Variants in LRRC8A observed in about 807,000 individuals in gnomAD.
LRRC8A encodes volume-regulated anion channel subunit LRRC8A.
A neutral mutation model predicts 52.5 loss-of-function variants in LRRC8A; 24 were observed. The observed-to-expected ratio is 0.46, with a 90% CI of 0.33 to 0.64. The LOEUF is 0.64. Ranked by LOEUF, LRRC8A falls within the 30% of genes least tolerant of loss-of-function variation. LRRC8A has a pLI of 0.02. For synonymous variants in LRRC8A, 492 were observed against 494.2 expected (o/e 1.00, Z 0.06); for missense variants, 677 against 1,094.7 (o/e 0.62, Z 5.38).
At chr9:128,915,390 G>A (rs1325609924) in intron 3 of LRRC8A, among the ~76,000 whole-genome samples, 3 of 152,166 alleles carry the variant, frequency 2.0e-5, no homozygotes, top group Admixed American at 6.5e-5. Context: ...GCAGTGGCGC[G>A]ATGTCGGCTC....
intron 2 of LRRC8A, among the ~76,000 whole-genome samples, chr9:128,890,181 G>A (rs1164872235): frequency 2.0e-5 from 2 of 102,374 alleles, no homozygotes; most frequent in South Asian, 3.2e-4. Flanking sequence ...CTGGGAAGGC[G>A]AGGGGCTTAA....
In LRRC8A at chr9:128,898,039, AGTGTGTGTGTGTGTGTGTGTGT is replaced by A. The variant is rs58876901; in HGVS notation, c.-8-9091_-8-9070del. ...TCTAACCTCACTTCTAAGATTGTTC[AGTGTGTGTGTGTGTGTGTGTGT>A]GTGTGTGTGTGTGTGTGTGTGTGTG... On this transcript the variant is annotated intron_variant, in intron 2 of 3. Coordinates refer to ENST00000372600, the MANE Select transcript of LRRC8A (RefSeq NM_019594.4). Among the ~76,000 whole-genome samples the A allele has an allele frequency of 5.6e-3, 765 of 136,490 alleles. 9 individuals are homozygous for A. Among genetic ancestry groups the A allele is most frequent in the East Asian group, 0.04 (183 of 4,632 alleles). The allele number at this position is 136,490 out of a possible 152,430, so 89.5% of individuals were successfully genotyped here.
At chr9:128,903,616 T>C (rs1840117485) in intron 2 of LRRC8A, among the ~76,000 whole-genome samples, 1 of 151,862 alleles carries the variant, frequency 6.6e-6, no homozygotes, top group South Asian at 2.1e-4. Flanking sequence ...AGTTTCACCT[T>C]GTTAGCCAGG....
chr9:128,915,669 G>T (rs183277292), intron 3 of LRRC8A, among the ~76,000 whole-genome samples: 14 of 152,314 alleles, frequency 9.2e-5, no homozygotes, highest in African/African-American at 2.9e-4. Flanking sequence ...TTCATAAATT[G>T]TTGTTAAGCT....
rs750473585 is a variant in LRRC8A, at chr9:128,907,010, G to T, written c.-8-147G>T. The stretch of plus-strand genomic sequence containing the variant: ...GAAGGGCTGATAAGTGGGCTGCCCC[G>T]TGGAGTAGGCAGGCTTTGGCTCCCA... On this transcript the variant is annotated intron_variant, in intron 2 of 3. Transcript: ENST00000372600. The surrounding 1 kb of genome is among the most constrained non-coding windows in gnomAD (Gnocchi z 9.3). 1.6e-5 allele frequency: 12 copies of T among 738,714 alleles called. No individual in the cohort carries two copies. The Admixed American group carries it at 1.7e-4, about 11-fold the overall frequency. 45.8% of individuals were successfully genotyped at this position (738,714 alleles called of 1,614,324 possible). A position where few individuals can be genotyped will look rare whatever the true frequency, so the allele number is the denominator to read the frequency against.
At chr9:128,889,536 C>T (rs1379994580) in intron 2 of LRRC8A, among the ~76,000 whole-genome samples, 2 of 151,538 alleles carry the variant, frequency 1.3e-5, no homozygotes, top group East Asian at 3.9e-4. Context: ...TGCTCTGTCA[C>T]CCAGGCTGGA....
chr9:128,907,069 GA>G lies in LRRC8A; in HGVS notation c.-8-86del. ...TGAGGTGGAATTTTGGACAATGGAA[GA>G]ATTTTCATTGTCTTCTTCCCCTGAC... is the stretch of plus-strand genomic sequence containing the variant. On this transcript the variant is annotated intron_variant, in intron 2 of 3. Coordinates refer to ENST00000372600, the MANE Select transcript of LRRC8A (RefSeq NM_019594.4). The surrounding 1 kb of genome is among the most constrained non-coding windows in gnomAD (Gnocchi z 9.3). 8.8e-7 allele frequency: 1 copy of G among 1,135,960 alleles called. No homozygotes were observed. The highest frequency in any genetic ancestry group is 1.5e-5 in the African/African-American group (1 of 64,718). The allele number at this position is 1,135,960 out of a possible 1,614,324, so 70.4% of individuals were successfully genotyped here.
intron 2 of LRRC8A, among the ~76,000 whole-genome samples, chr9:128,906,691 C>T (rs1840265798): frequency 6.6e-6 from 1 of 152,182 alleles, no homozygotes; most frequent in Non-Finnish European, 1.5e-5. Context: ...TTTCTTTCCT[C>T]ATATTTTGCG....
At position 128,909,232 on chromosome 9, in the gene LRRC8A, C is replaced by G; in HGVS notation, c.2068C>G (p.Leu690Val). 6.2e-7 allele frequency: 1 copy of G among 1,614,164 alleles called. No individual in the cohort carries two copies. The highest frequency in any genetic ancestry group is 8.5e-7 in the Non-Finnish European group (1 of 1,180,048). Residue 690 changes from leucine to valine, a missense_variant, in exon 3 of 4, where the codon CTG becomes GTG. By Grantham distance (32) the Leu-to-Val change is conservative. Around this residue, in one of 4 missense-constraint regions of LRRC8A, gnomAD observed 169 missense variants for 217.6 expected, o/e 0.78. Transcript: ENST00000372600. Reference sequence around the variant, plus strand: ...CTTCTACTGCCGCAAGCTGCGCTACCTGGACCTCAGCCACAACAACCTGAC... The same window carrying G: ...CTTCTACTGCCGCAAGCTGCGCTACGTGGACCTCAGCCACAACAACCTGAC... ...QLFYCRKLRY[L>V]DLSHNNLTFL... is the part of the protein sequence containing the mutation.
chr9:128,913,390 A>C (rs1217338296), intron 3 of LRRC8A, among the ~76,000 whole-genome samples: 4 of 152,132 alleles, frequency 2.6e-5, no homozygotes, highest in Non-Finnish European at 5.9e-5. Flanking sequence ...GACCCACTGA[A>C]GTCTCTGGGG....
In LRRC8A at chr9:128,916,075, C is replaced by T. The variant is rs1334419800; in HGVS notation, c.2158-21C>T. The T allele has an allele frequency of 2.5e-6, 4 of 1,585,912 alleles. No homozygotes were observed. The highest frequency in any genetic ancestry group is 3.4e-6 in the Non-Finnish European group (4 of 1,162,026). On this transcript the variant is annotated intron_variant, in intron 3 of 3. Coordinates refer to ENST00000372600, the MANE Select transcript of LRRC8A (RefSeq NM_019594.4). The surrounding 1 kb of genome is among the most constrained non-coding windows in gnomAD (Gnocchi z 6.1). ...CAAGCCCACACCCACCTCACTCTCA[C>T]CCCTGCTTTTTTCCCTCCAGATCGA... is the stretch of plus-strand genomic sequence containing the variant.
At chr9:128,884,766 G>A (rs909089381) in intron 1 of LRRC8A, among the ~76,000 whole-genome samples, 1 of 152,130 alleles carries the variant, frequency 6.6e-6, no homozygotes. Flanking sequence ...GACAAGGAGG[G>A]TAGAGTGAGG....
At chr9:128,887,137 A>G (rs1839429208) in intron 2 of LRRC8A, among the ~76,000 whole-genome samples, 1 of 151,674 alleles carries the variant, frequency 6.6e-6, no homozygotes, top group Admixed American at 6.6e-5. Flanking sequence ...ACATAGTTGT[A>G]TATTCATTAT....
In LRRC8A at chr9:128,882,192, G is replaced by C. The variant is rs1200185131; in HGVS notation, c.-174G>C. The C allele has an allele frequency of 1.3e-5, 2 of 153,048 alleles. No homozygotes were observed. The highest frequency in any genetic ancestry group is 2.4e-5 in the African/African-American group (1 of 41,432). The allele number at this position is 153,048 out of a possible 1,614,324, so 9.5% of individuals were successfully genotyped here. A position where few individuals can be genotyped will look rare whatever the true frequency, so the allele number is the denominator to read the frequency against. ...CCGGAGCAGCGCTGCGGCCGGCGGC[G>C]GGACGGAGCGGCCGGGGCCTGGGGC... On this transcript the variant is annotated 5_prime_UTR_variant, in exon 1 of 4. Coordinates refer to ENST00000372600, the MANE Select transcript of LRRC8A (RefSeq NM_019594.4).
chr9:128,916,488 A>T lies in LRRC8A; in HGVS notation c.*117A>T. ...AGCCAGGACAGCCTCGTGGCTGGGC[A>T]GGAGCCTGGGGCCGCTTGTGAGTCA... is the stretch of plus-strand genomic sequence containing the variant. On this transcript the variant is annotated 3_prime_UTR_variant, in exon 4 of 4. Coordinates refer to ENST00000372600, the MANE Select transcript of LRRC8A (RefSeq NM_019594.4). This position sits in a 1 kb window ranked among gnomAD's most constrained non-coding sequence, Gnocchi z 6.1. 7.5e-7 allele frequency: 1 copy of T among 1,332,910 alleles called. No individual in the cohort carries two copies. Among genetic ancestry groups the T allele is most frequent in the South Asian group, 1.5e-5 (1 of 67,814 alleles). The allele number at this position is 1,332,910 out of a possible 1,614,324, so 82.6% of individuals were successfully genotyped here.
rs767315206 is a variant in LRRC8A, at chr9:128,908,736, G to A, written c.1572G>A (p.Thr524=). 8.7e-6 allele frequency: 14 copies of A among 1,613,068 alleles called. No homozygotes were observed. The highest frequency in any genetic ancestry group is 8.3e-5 in the Admixed American group (5 of 60,006). The change falls in exon 3 of 4, where the codon ACG becomes ACA. Residue 524 remains threonine, a synonymous_variant. Coordinates refer to ENST00000372600, the MANE Select transcript of LRRC8A (RefSeq NM_019594.4). ...AGACACTGGAGGAGCTGCACCTGACGGGCAACCTGAGCGCGGAGAACAACC... is the reference window on the plus strand; with the variant it reads ...AGACACTGGAGGAGCTGCACCTGACAGGCAACCTGAGCGCGGAGAACAACC... The part of the protein sequence containing the change: ...SLKTLEELHL[T]GNLSAENNRY...
In LRRC8A at chr9:128,916,487, C is replaced by T. The variant is rs1057093265; in HGVS notation, c.*116C>T. The T allele has an allele frequency of 2.4e-5, 32 of 1,343,808 alleles. No individual in the cohort carries two copies. Among genetic ancestry groups the T allele is most frequent in the Non-Finnish European group, 2.9e-5 (29 of 1,008,560 alleles). The allele number at this position is 1,343,808 out of a possible 1,614,324, so 83.2% of individuals were successfully genotyped here. Reference sequence around the variant, plus strand: ...CAGCCAGGACAGCCTCGTGGCTGGGCAGGAGCCTGGGGCCGCTTGTGAGTC... The same window carrying T: ...CAGCCAGGACAGCCTCGTGGCTGGGTAGGAGCCTGGGGCCGCTTGTGAGTC... On this transcript the variant is annotated 3_prime_UTR_variant, in exon 4 of 4. Coordinates refer to ENST00000372600, the MANE Select transcript of LRRC8A (RefSeq NM_019594.4). The surrounding 1 kb of genome is among the most constrained non-coding windows in gnomAD (Gnocchi z 6.1).
intron 2 of LRRC8A, among the ~76,000 whole-genome samples, chr9:128,898,192 A>G (rs1438015161): frequency 6.6e-6 from 1 of 151,924 alleles, no homozygotes; most frequent in African/African-American, 2.4e-5. Flanking sequence ...ATTGCATAGT[A>G]TTCCCTTATC....
chr9:128,912,441 G>C (rs531491891), intron 3 of LRRC8A, among the ~76,000 whole-genome samples: 5 of 151,620 alleles, frequency 3.3e-5, no homozygotes, highest in African/African-American at 1.2e-4. Flanking sequence ...GGTTCTGGTG[G>C]GGAGGAGCAG....
Sources: gnomAD v4.1 joint callset for allele counts (sites outside exome capture counted in the v4.1 genomes callset) on GRCh38, gnomAD v4.1.1 for gene constraint, gnomAD v4.1.1 regional missense constraint, Gnocchi (gnomAD v3.1) non-coding constraint, MANE v1.5 for transcripts, NCBI Gene and HGNC (gene_info 2026-07-23, HGNC 2026-07-21) for gene names.